The following CCDC73 variants were observed in gnomAD, a reference collection of about 807,000 sequenced individuals.
CCDC73 encodes the protein coiled-coil domain containing 73, also known as coiled-coil domain-containing protein 73.
A neutral mutation model predicts 116.5 loss-of-function variants in CCDC73; 95 were observed. The ratio of observed to expected loss-of-function variants is 0.82; its 90% CI spans 0.69 to 0.97. The LOEUF is 0.97. Ranked by LOEUF, CCDC73 falls within the 50% of genes least tolerant of loss-of-function variation. CCDC73 has a pLI of 0.00. For synonymous variants in CCDC73, 398 were observed against 401.3 expected, an observed-to-expected ratio of 0.99 and a Z score of 0.10; for missense variants, 1,066 against 1,206.8, an observed-to-expected ratio of 0.88 and a Z score of 1.73.
intron 5 of CCDC73, 31 bp downstream of exon 5, chr11:32,700,751 CTTTTTAATA>C (rs1849804397): frequency 1.0e-6 from 1 of 999,314 alleles, no homozygotes; most frequent in Non-Finnish European, 1.5e-6. Context: ...AAAGTAAATA[CTTTTTAATA>C]GACAGAAAAT....
intron 1 of CCDC73, among the ~76,000 whole-genome samples, chr11:32,782,831 G>C (rs1460566214): frequency 6.6e-6 from 1 of 151,954 alleles, no homozygotes; most frequent in Non-Finnish European, 1.5e-5. Flanking sequence ...TAGTGGAAAT[G>C]AAAAATCCAA....
chr11:32,705,046 G>T (rs1849844061), intron 3 of CCDC73, among the ~76,000 whole-genome samples: 1 of 152,210 alleles, frequency 6.6e-6, no homozygotes, highest in African/African-American at 2.4e-5. Flanking sequence ...GGCTTGCCAA[G>T]CTGCAGGTGG....
intron 9 of CCDC73, among the ~76,000 whole-genome samples, chr11:32,657,297 C>T (rs1053869632): frequency 6.6e-6 from 1 of 152,188 alleles, no homozygotes; most frequent in African/African-American, 2.4e-5. Context: ...TCAAATATCA[C>T]CTTTGGATAT....
At chr11:32,743,398 C>A (rs910389332) in intron 2 of CCDC73, among the ~76,000 whole-genome samples, 3 of 152,058 alleles carry the variant, frequency 2.0e-5, no homozygotes, top group Admixed American at 6.6e-5. Flanking sequence ...TAGGTCCACA[C>A]AACTACATGG....
intron 13 of CCDC73, among the ~76,000 whole-genome samples, chr11:32,637,020 T>C (rs1314204264): frequency 7.4e-6 from 1 of 136,020 alleles, no homozygotes; most frequent in Non-Finnish European, 1.6e-5. Flanking sequence ...TCTTTTTCTT[T>C]TTTTTTTTTT....
intron 2 of CCDC73, among the ~76,000 whole-genome samples, chr11:32,748,046 T>C (rs1207864141): frequency 1.3e-5 from 2 of 152,244 alleles, no homozygotes; most frequent in Non-Finnish European, 2.9e-5. Flanking sequence ...CTGGGAGCTG[T>C]AGACCGAAGC....
chr11:32,762,292 T>C (rs1295437629), intron 1 of CCDC73, among the ~76,000 whole-genome samples: 2 of 152,166 alleles, frequency 1.3e-5, no homozygotes, highest in Non-Finnish European at 2.9e-5. Flanking sequence ...ACTGAAAAGA[T>C]AATAAAAAAT....
intron 12 of CCDC73, among the ~76,000 whole-genome samples, chr11:32,651,885 C>A (rs1323995298): frequency 6.6e-6 from 1 of 152,142 alleles, no homozygotes; most frequent in Non-Finnish European, 1.5e-5. Flanking sequence ...CTACTGGCCA[C>A]CCCAGTGGAA....
chr11:32,708,224 G>A (rs1324052815), intron 3 of CCDC73, among the ~76,000 whole-genome samples: 1 of 152,046 alleles, frequency 6.6e-6, no homozygotes, highest in East Asian at 1.9e-4. Context: ...AAGTATTTGG[G>A]TTTATTTCTG....
intron 12 of CCDC73, among the ~76,000 whole-genome samples, chr11:32,646,558 C>T (rs1855780772): frequency 1.3e-5 from 2 of 152,164 alleles, no homozygotes; most frequent in Non-Finnish European, 2.9e-5. Context: ...TTCTACGTTC[C>T]AGTGTTGCCA....
intron 14 of CCDC73, among the ~76,000 whole-genome samples, chr11:32,632,812 C>T (rs2133240007): frequency 6.6e-6 from 1 of 151,922 alleles, no homozygotes; most frequent in African/African-American, 2.4e-5. Context: ...GAAAAAACTA[C>T]ATATCATAGT....
chr11:32,790,124 G>A (rs1484589947), intron 1 of CCDC73, among the ~76,000 whole-genome samples: 1 of 151,490 alleles, frequency 6.6e-6, no homozygotes, highest in African/African-American at 2.4e-5. Context: ...ATGAGATGAG[G>A]CTTGAGAAGC....
At chr11:32,684,358 A>T (rs1425245960) in intron 6 of CCDC73, among the ~76,000 whole-genome samples, 1 of 152,172 alleles carries the variant, frequency 6.6e-6, no homozygotes, top group Non-Finnish European at 1.5e-5. Flanking sequence ...CCACTCTACC[A>T]GGTTTTTAAA....
the CCDC73 span, among the ~76,000 whole-genome samples, chr11:32,811,919 A>G: frequency 6.6e-6 from 1 of 151,664 alleles, no homozygotes; most frequent in African/African-American, 2.4e-5. Context: ...AATATATTCT[A>G]TTTATCCATT....
At chr11:32,781,321 G>C (rs1282283816) in intron 1 of CCDC73, among the ~76,000 whole-genome samples, 1 of 152,188 alleles carries the variant, frequency 6.6e-6, no homozygotes, top group Non-Finnish European at 1.5e-5. Flanking sequence ...AGAACAAACA[G>C]AATGGTATCT....
At chr11:32,768,118 T>C (rs186025506) in intron 1 of CCDC73, among the ~76,000 whole-genome samples, 1 of 152,334 alleles carries the variant, frequency 6.6e-6, no homozygotes, top group African/African-American at 2.4e-5. Flanking sequence ...GTGGCACATA[T>C]ACACCATGGA....
At position 32,653,226 on chromosome 11, in the gene CCDC73, T is replaced by A. The variant is rs758318866; in HGVS notation, c.836A>T (p.Asp279Val). ...EITHIQEEKQ[D>V]IIISFQHMQQ... ...CATATGTTGGAAAGAAATGATGATA[T>A]CCTTTGAAAATACACAAATATATCA... is the stretch of plus-strand genomic sequence containing the variant. The change falls in exon 12 of 18, where the codon GAT (aspartate) becomes GTT (valine). Residue 279 changes from aspartate (D) to valine (V), a missense_variant and splice_region_variant. Transcript: ENST00000335185. 1 of 1,594,768 alleles carries A rather than the reference T, an allele frequency of 6.3e-7. No homozygotes were observed. Among genetic ancestry groups the A allele is most frequent in the Non-Finnish European group, 8.6e-7 (1 of 1,165,056 alleles).
intron 9 of CCDC73, among the ~76,000 whole-genome samples, chr11:32,675,313 C>A (rs544069373): frequency 1.3e-5 from 2 of 152,072 alleles, no homozygotes; most frequent in Non-Finnish European, 2.9e-5. Context: ...TACAATGAAT[C>A]CTTATAAGGT....
chr11:32,710,921 A>G (rs1215748503), intron 3 of CCDC73, among the ~76,000 whole-genome samples: 2 of 152,242 alleles, frequency 1.3e-5, no homozygotes, highest in Non-Finnish European at 2.9e-5. Flanking sequence ...AATAATCAGC[A>G]GAGTTAACAG....
Sources: allele counts gnomAD v4.1 joint callset (sites outside exome capture counted in the v4.1 genomes callset), GRCh38; gene constraint gnomAD v4.1.1; transcripts MANE v1.5; gene names NCBI Gene and HGNC (gene_info 2026-07-23, HGNC 2026-07-21).